Variants in ARID4B observed in about 807,000 individuals in gnomAD.
ARID4B encodes the protein AT-rich interaction domain 4B.
ARID4B carries 26 observed loss-of-function variants against 147.5 expected under a neutral mutation model. The observed-to-expected ratio is 0.18, with a 90% CI of 0.13 to 0.24. The LOEUF is 0.24. ARID4B is among the 10% of genes least tolerant of loss of function. The pLI is 1.00. For missense variants in ARID4B, 1,179 were observed against 1,511.5 expected (o/e 0.78, Z 3.65); for synonymous variants, 512 against 507.9 (o/e 1.01, Z -0.11).
In ARID4B at chr1:235,257,213, G is replaced by A; in HGVS notation, c.130C>T (p.His44Tyr). The change falls in exon 4 of 24, where the codon CAT becomes TAT. Residue 44 changes from histidine (H) to tyrosine (Y), a missense_variant. His to Tyr is a moderately conservative substitution (Grantham distance 83). This residue lies in a region of ARID4B where 56 missense variants were observed against 99.2 expected (regional missense o/e 0.56). Transcript: ENST00000264183. ...RLVKVKVTFRHDSSTVEVQDD... is the reference protein window; with the variant it reads ...RLVKVKVTFRYDSSTVEVQDD... ...TGAACTTCCACTGTTGAAGAATCAT[G>A]TCTAAATGTCACCTAGAGATTATAA... 1 of 1,612,100 alleles carries A rather than the reference G, an allele frequency of 6.2e-7. No individual in the cohort carries two copies. The highest frequency in any genetic ancestry group is 8.5e-7 in the Non-Finnish European group (1 of 1,178,390).
chr1:235,204,195 G>A (rs1420941723), intron 17 of ARID4B, among the ~76,000 whole-genome samples: 9 of 152,074 alleles, frequency 5.9e-5, no homozygotes, highest in Middle Eastern at 3.2e-3. Context: ...GGTGGCACAC[G>A]CCTGTAGTCC....
At chr1:235,295,537 C>T (rs1217224256) in intron 2 of ARID4B, among the ~76,000 whole-genome samples, 1 of 149,758 alleles carries the variant, frequency 6.7e-6, no homozygotes, top group Non-Finnish European at 1.5e-5. Flanking sequence ...AAAGGCCAGG[C>T]ACGGAGGCTC....
intron 2 of ARID4B, among the ~76,000 whole-genome samples, chr1:235,316,859 C>T (rs1674475759): frequency 6.7e-6 from 1 of 149,038 alleles, no homozygotes; most frequent in Non-Finnish European, 1.5e-5. Context: ...TATACATATA[C>T]ATACGTAAAA....
intron 23 of ARID4B, among the ~76,000 whole-genome samples, chr1:235,170,373 G>A (rs747455756): frequency 6.6e-6 from 1 of 152,066 alleles, no homozygotes; most frequent in Non-Finnish European, 1.5e-5. Context: ...CTGTTCTACA[G>A]GAATTTTATC....
Position 235,168,444 on chromosome 1 carries a change from T to C in ARID4B, c.*81A>G. 6.9e-7 allele frequency: 1 copy of C among 1,441,108 alleles called. No individual in the cohort carries two copies. The highest frequency in any genetic ancestry group is 9.3e-7 in the Non-Finnish European group (1 of 1,079,708). The allele number at this position is 1,441,108 out of a possible 1,614,324, so 89.3% of individuals were successfully genotyped here. On this transcript the variant is annotated 3_prime_UTR_variant, in exon 24 of 24. Transcript: ENST00000264183. ...ATATAAAATAGTGCTTGTCTGATAT[T>C]TTTTTGTGCCACTGTGCAGTATAAA...
chr1:235,315,256 T>A (rs1308459561), intron 2 of ARID4B, among the ~76,000 whole-genome samples: 1 of 152,200 alleles, frequency 6.6e-6, no homozygotes, highest in East Asian at 1.9e-4. Flanking sequence ...AGACCCCGTC[T>A]CTACCAAAAA....
chr1:235,254,905 C>CA (rs766260574), intron 5 of ARID4B, among the ~76,000 whole-genome samples: 31 of 151,696 alleles, frequency 2.0e-4, no homozygotes, highest in Non-Finnish European at 4.1e-4. Flanking sequence ...TCCAAATTAG[C>CA]AAAAAATTTT....
intron 10 of ARID4B, among the ~76,000 whole-genome samples, chr1:235,229,786 CA>C (rs1668084046): frequency 6.6e-6 from 1 of 152,296 alleles, no homozygotes; most frequent in East Asian, 1.9e-4. Flanking sequence ...AATAAATATA[CA>C]ATACCTGAAA....
intron 2 of ARID4B, among the ~76,000 whole-genome samples, chr1:235,267,883 G>A (rs1670717671): frequency 6.6e-6 from 1 of 151,842 alleles, no homozygotes. Flanking sequence ...CAACCTGAGT[G>A]ACGTGAGACT....
Position 235,255,555 on chromosome 1 carries a change from T to C in ARID4B, c.274+105A>G, listed in dbSNP as rs181312868. On this transcript the variant is annotated intron_variant, in intron 5 of 23. Transcript: ENST00000264183. Reference sequence around the variant, plus strand: ...AGATAAAATCCAGTAACAGTAATAATATCTAGGGTATTAAGAAGTGAATCC... The same window carrying C: ...AGATAAAATCCAGTAACAGTAATAACATCTAGGGTATTAAGAAGTGAATCC... The C allele has an allele frequency of 6.7e-3, 4,451 of 666,118 alleles. 20 individuals are homozygous for C. Among genetic ancestry groups the C allele is most frequent in the Non-Finnish European group, 8.0e-3 (3,223 of 403,332 alleles). The allele number at this position is 666,118 out of a possible 1,614,324, so 41.3% of individuals were successfully genotyped here.
chr1:235,266,869 T>A (rs1468518765), intron 2 of ARID4B, among the ~76,000 whole-genome samples: 1 of 152,204 alleles, frequency 6.6e-6, no homozygotes, highest in South Asian at 2.1e-4. Flanking sequence ...AAGCAAAACA[T>A]GCTAGATGAC....
chr1:235,183,217 C>CT (rs971994058), intron 19 of ARID4B, among the ~76,000 whole-genome samples: 171 of 144,438 alleles, frequency 1.2e-3, no homozygotes, highest in South Asian at 2.4e-3. Flanking sequence ...TAATATTCTT[C>CT]TTTTTTTTTT....
intron 2 of ARID4B, among the ~76,000 whole-genome samples, chr1:235,315,961 C>G (rs1189239438): frequency 6.6e-6 from 1 of 152,120 alleles, no homozygotes; most frequent in Admixed American, 6.6e-5. Context: ...AGAAGGATCA[C>G]TCAAGCCTAG....
At chr1:235,174,186 C>T (rs527493307) in intron 22 of ARID4B, among the ~76,000 whole-genome samples, 52 of 152,006 alleles carry the variant, frequency 3.4e-4, no homozygotes, top group African/African-American at 7.5e-4. Flanking sequence ...ACTACAAGCG[C>T]GTGCCACCAC....
chr1:235,281,975 C>T (rs1671697003), intron 2 of ARID4B, among the ~76,000 whole-genome samples: 1 of 152,110 alleles, frequency 6.6e-6, no homozygotes, highest in Admixed American at 6.6e-5. Flanking sequence ...TAAAACTTTC[C>T]TATTTTGGGT....
intron 8 of ARID4B, among the ~76,000 whole-genome samples, chr1:235,238,743 C>T (rs1572053219): frequency 6.6e-6 from 1 of 152,078 alleles, no homozygotes. Context: ...GTAGTGTGAG[C>T]TACTCAGGAG....
Position 235,175,211 on chromosome 1 carries a change from T to C in ARID4B, c.3637A>G (p.Lys1213Glu). 6.2e-7 allele frequency: 1 copy of C among 1,614,184 alleles called. No homozygotes were observed. The highest frequency in any genetic ancestry group is 8.5e-7 in the Non-Finnish European group (1 of 1,180,004). The change falls in exon 22 of 24, where the codon AAA becomes GAA. Residue 1213 changes from lysine (K) to glutamate (E), a missense_variant. Lys to Glu is a moderately conservative substitution (Grantham distance 56, BLOSUM62 1). This residue lies in a region of ARID4B where 357 missense variants were observed against 427.3 expected (regional missense o/e 0.84). Coordinates refer to ENST00000264183, the MANE Select transcript of ARID4B (RefSeq NM_016374.6). The part of the protein sequence containing the change: ...DLKEPSNRLP[K>E]VYKWSFQMSD... ...ATCTGAAAACTCCATTTGTAAACTTTGGGTAATCGATTACTGGGTTCCTTG... is the reference window on the plus strand; with the variant it reads ...ATCTGAAAACTCCATTTGTAAACTTCGGGTAATCGATTACTGGGTTCCTTG...
chr1:235,263,451 G>T (rs1456912181), intron 2 of ARID4B, among the ~76,000 whole-genome samples: 2 of 152,156 alleles, frequency 1.3e-5, no homozygotes, highest in Non-Finnish European at 2.9e-5. Context: ...GCAAACTGCA[G>T]ATTTGCTTAT....
intron 2 of ARID4B, among the ~76,000 whole-genome samples, chr1:235,290,400 G>A (rs1400291211): frequency 6.7e-6 from 1 of 148,642 alleles, no homozygotes; most frequent in East Asian, 2.0e-4. Flanking sequence ...CCAAGATGAC[G>A]CCAACCTGGA....
Sources: allele counts gnomAD v4.1 joint callset (sites outside exome capture counted in the v4.1 genomes callset), GRCh38; gene constraint gnomAD v4.1.1; regional missense constraint gnomAD v4.1.1; transcripts MANE v1.5; gene names NCBI Gene and HGNC (gene_info 2026-07-23, HGNC 2026-07-21).